Variants in KANSL3 observed in about 807,000 individuals in gnomAD.
KANSL3 encodes NSL complex protein NSL3.
KANSL3 carries 16 observed loss-of-function variants against 89.2 expected under a neutral mutation model. The observed-to-expected ratio is 0.18, with a 90% confidence interval of 0.12 to 0.27. KANSL3 has a LOEUF of 0.27. Among genes scored for constraint, KANSL3 ranks in the 10% least tolerant of loss-of-function variants. The pLI, the probability that KANSL3 is intolerant of heterozygous loss-of-function variation, is 1.00. For missense variants in KANSL3, 879 were observed against 1,110.6 expected (o/e 0.79, Z 2.96); for synonymous variants, 385 against 419.7 (o/e 0.92, Z 1.01).
In KANSL3 at chr2:96,593,334, G is replaced by C. The variant is rs750554033; in HGVS notation, c.*2277C>G. On this transcript the variant is annotated 3_prime_UTR_variant, in exon 21 of 21. Coordinates refer to ENST00000431828, the MANE Select transcript of KANSL3 (RefSeq NM_001115016.3). Reference sequence around the variant, plus strand: ...TCAAAACACAAGGACATCTCCATAGGGCATCAACATGCATCTGTCATCCAA... The same window carrying C: ...TCAAAACACAAGGACATCTCCATAGCGCATCAACATGCATCTGTCATCCAA... The C allele has an allele frequency of 2.2e-6, 1 of 455,742 alleles. No individual in the cohort carries two copies. Among genetic ancestry groups the C allele is most frequent in the South Asian group, 1.5e-5 (1 of 64,536 alleles). 28.2% of individuals were successfully genotyped at this position (455,742 alleles called of 1,614,324 possible).
chr2:96,582,222 A>T, the KANSL3 span, among the ~76,000 whole-genome samples: 2 of 151,752 alleles, frequency 1.3e-5, no homozygotes, highest in African/African-American at 4.8e-5. Context: ...GGCTGGTGAA[A>T]CCCCGTCTCC....
At chr2:96,635,987 C>A (rs2074188463) in intron 2 of KANSL3, among the ~76,000 whole-genome samples, 1 of 141,480 alleles carries the variant, frequency 7.1e-6, no homozygotes. Flanking sequence ...GAGCAAGACT[C>A]CATCTCAAAA....
intron 17 of KANSL3, chr2:96,603,944 A>G (rs1429227995): frequency 4.6e-6 from 1 of 215,212 alleles, no homozygotes; most frequent in African/African-American, 2.3e-5. Context: ...TCTCCTGTGG[A>G]TAAGAAAGGC....
intron 17 of KANSL3, 138 bp from the exon 18 acceptor site, chr2:96,603,000 C>T: frequency 1.4e-6 from 1 of 704,662 alleles, no homozygotes; most frequent in South Asian, 1.8e-5. Context: ...AGAGAGAAGG[C>T]AGGAAGCTCT....
intron 9 of KANSL3, among the ~76,000 whole-genome samples, chr2:96,611,903 A>ATGTGTGTGTGTGTGTGTG (rs59217274): frequency 0.073 from 8,238 of 113,162 alleles, 472 homozygotes; most frequent in African/African-American, 0.1. Context: ...ATATACCCAT[A>ATGTGTGTGTGTGTGTGTG]TGTGTGTGTG....
intron 3 of KANSL3, 23 bp downstream of exon 3, chr2:96,631,289 C>A: frequency 6.5e-7 from 1 of 1,529,694 alleles, no homozygotes; most frequent in Non-Finnish European, 9.1e-7. Flanking sequence ...GGGCAGTGAT[C>A]ATCCTCCTGA....
intron 20 of KANSL3, among the ~76,000 whole-genome samples, chr2:96,595,912 A>ACTTTC (rs2066485560): frequency 6.6e-6 from 1 of 152,190 alleles, no homozygotes; most frequent in African/African-American, 2.4e-5. Flanking sequence ...GACAGCATCT[A>ACTTTC]CTTTCCAGGG....
At chr2:96,582,740 TATC>T in the KANSL3 span, among the ~76,000 whole-genome samples, 32 of 152,372 alleles carry the variant, frequency 2.1e-4, no homozygotes, top group Middle Eastern at 3.4e-3. Flanking sequence ...ATTCTGGACA[TATC>T]ATATGTTCCA....
rs2067765129 is a variant in KANSL3 at position 96,604,998 on chromosome 2, T to C, written c.1934-135A>G. ...TGAAAAAAGATGAACTATGCTAGAGTAGGGAGAGTTGGGGTTATTTTTTCC... is the reference window on the plus strand; with the variant it reads ...TGAAAAAAGATGAACTATGCTAGAGCAGGGAGAGTTGGGGTTATTTTTTCC... On this transcript the variant is annotated intron_variant, in intron 15 of 20. Transcript: ENST00000431828. 5 of 691,068 alleles carry C rather than the reference T, an allele frequency of 7.2e-6. No homozygotes were observed. The South Asian group carries it at 8.5e-5, about 12-fold the overall frequency. 42.8% of individuals were successfully genotyped at this position (691,068 alleles called of 1,614,324 possible).
chr2:96,617,091 C>T (rs2070293432), intron 5 of KANSL3, among the ~76,000 whole-genome samples: 1 of 152,098 alleles, frequency 6.6e-6, no homozygotes, highest in Non-Finnish European at 1.5e-5. Flanking sequence ...ACTTCTGGGC[C>T]ACCACTCTCT....
downstream of KANSL3, among the ~76,000 whole-genome samples, chr2:96,592,142 G>A (rs1265324108): frequency 6.6e-6 from 1 of 151,974 alleles, no homozygotes; most frequent in Non-Finnish European, 1.5e-5. Context: ...TAGAGTTTGA[G>A]GGAGAAGACA....
chr2:96,617,991 A>G (rs1479444789), intron 5 of KANSL3, among the ~76,000 whole-genome samples: 1 of 151,432 alleles, frequency 6.6e-6, no homozygotes, highest in Admixed American at 6.6e-5. Context: ...TCAAAAAAAA[A>G]AAAAAAAAAA....
At chr2:96,613,199 T>C (rs1243429697) in intron 6 of KANSL3, among the ~76,000 whole-genome samples, 2 of 152,092 alleles carry the variant, frequency 1.3e-5, no homozygotes, top group African/African-American at 4.8e-5. Context: ...GCCAACATGG[T>C]GAAATCCTGT....
chr2:96,612,684 C>T (rs1362366529), intron 7 of KANSL3, 121 bp from the exon 8 acceptor site: 1 of 1,110,788 alleles, frequency 9.0e-7, no homozygotes, highest in Non-Finnish European at 1.3e-6. Context: ...AGAGGAGGCT[C>T]CACATGAAAG....
In KANSL3 at chr2:96,619,738, G is replaced by A; in HGVS notation, c.411C>T (p.Asn137=). The A allele has an allele frequency of 6.4e-7, 1 of 1,558,480 alleles. No homozygotes were observed. The highest frequency in any genetic ancestry group is 8.7e-7 in the Non-Finnish European group (1 of 1,150,868). ...CTTTGAGGATCTTGTTGAATAGCTT[G>A]TTCTGGGCCATTGTCCAGCCAGTCC... The part of the protein sequence containing the change: ...VNRTGWTMAQ[N]KLFNKILKAL... The change falls in exon 4 of 21, where the codon AAC becomes AAT. Residue 137 remains asparagine (N), a synonymous_variant. Transcript: ENST00000431828.
At chr2:96,582,541 T>C in the KANSL3 span, among the ~76,000 whole-genome samples, 1 of 152,252 alleles carries the variant, frequency 6.6e-6, no homozygotes, top group African/African-American at 2.4e-5. Flanking sequence ...ACTTCTCTTC[T>C]GTACTTCTTA....
At chr2:96,611,259 T>C in intron 9 of KANSL3, 121 bp from the exon 10 acceptor site, 1 of 755,238 alleles carries the variant, frequency 1.3e-6, no homozygotes, top group Non-Finnish European at 2.3e-6. Flanking sequence ...CCTGTCCTAA[T>C]ATCCGGGTGC....
At chr2:96,580,958 G>C in the KANSL3 span, among the ~76,000 whole-genome samples, 1 of 152,238 alleles carries the variant, frequency 6.6e-6, no homozygotes, top group Admixed American at 6.5e-5. Context: ...GGCCAGGACA[G>C]TGAGACAGAA....
intron 3 of KANSL3, among the ~76,000 whole-genome samples, chr2:96,625,886 G>A (rs1209042875): frequency 6.6e-6 from 1 of 152,144 alleles, no homozygotes; most frequent in African/African-American, 2.4e-5. Context: ...TTAAAAACAG[G>A]AGACAGAATT....
Sources: gnomAD v4.1 joint callset for allele counts (sites outside exome capture counted in the v4.1 genomes callset) on GRCh38, gnomAD v4.1.1 for gene constraint, MANE v1.5 for transcripts, NCBI Gene and HGNC (gene_info 2026-07-23, HGNC 2026-07-21) for gene names.